The following CD8B2 variants were observed in gnomAD, a reference collection of about 807,000 sequenced individuals.
The protein encoded by CD8B2 is CD8B family member 2.
In CD8B2, 11 loss-of-function variants were observed where a neutral mutation model predicts 23.7. The ratio of observed to expected loss-of-function variants is 0.46; its 90% CI spans 0.29 to 0.77. The LOEUF (loss-of-function observed/expected upper bound fraction) is 0.77. Ranked by LOEUF, CD8B2 falls within the 30% of genes least tolerant of loss-of-function variation. The probability of loss-of-function intolerance (pLI) is 0.09; values close to 1 mark genes in which losing one functional copy is unlikely to be tolerated. For synonymous variants in CD8B2, 90 were observed against 109.3 expected, an observed-to-expected ratio of 0.82 and a Z score of 1.10; for missense variants, 197 against 270.5, an observed-to-expected ratio of 0.73 and a Z score of 1.91.
At chr2:106,503,667 G>A (rs1679455132) in intron 4 of CD8B2, among the ~76,000 whole-genome samples, 1 of 150,358 alleles carries the variant, frequency 6.7e-6, no homozygotes, top group African/African-American at 2.5e-5. Context: ...AAGCAAGTTG[G>A]GTGTAGTGGC....
intron 2 of CD8B2, among the ~76,000 whole-genome samples, chr2:106,492,877 T>C (rs916217419): frequency 6.6e-6 from 1 of 152,214 alleles, no homozygotes; most frequent in African/African-American, 2.4e-5. Flanking sequence ...GATTTTCGTA[T>C]TGAAAAATGG....
chr2:106,533,178 G>A (rs1222139049), intron 5 of CD8B2, among the ~76,000 whole-genome samples: 2 of 152,196 alleles, frequency 1.3e-5, no homozygotes, highest in African/African-American at 4.8e-5. Flanking sequence ...CAGGGGACAG[G>A]AATGCCACAG....
In CD8B2 at chr2:106,507,980, T is replaced by G. The variant is rs1432610318; in HGVS notation, c.*1040T>G. 1 of 148,764 alleles carries G rather than the reference T, an allele frequency of 6.7e-6. No homozygotes were observed. The highest frequency in any genetic ancestry group is 2.5e-5 in the African/African-American group (1 of 40,204). 9.2% of individuals were successfully genotyped at this position (148,764 alleles called of 1,614,324 possible). Reference sequence around the variant, plus strand: ...GGCACCAAACAGAAGGTAGGAGGCATGAGGGGTTCTGTCACATGTCTCTTC... The same window carrying G: ...GGCACCAAACAGAAGGTAGGAGGCAGGAGGGGTTCTGTCACATGTCTCTTC... On this transcript the variant is annotated 3_prime_UTR_variant, in exon 6 of 6. Coordinates refer to ENST00000643224, the MANE Select transcript of CD8B2 (RefSeq NM_001349727.2).
intron 5 of CD8B2, among the ~76,000 whole-genome samples, chr2:106,505,498 T>A (rs1320888452): frequency 1.3e-5 from 2 of 152,146 alleles, no homozygotes; most frequent in African/African-American, 2.4e-5. Flanking sequence ...GGTATTATCC[T>A]TAAAGCATGT....
chr2:106,518,738 C>A (rs923130799), intron 5 of CD8B2, among the ~76,000 whole-genome samples: 2 of 151,732 alleles, frequency 1.3e-5, no homozygotes, highest in African/African-American at 4.8e-5. Context: ...CCTTTTCTCT[C>A]TACTTATCCC....
intron 5 of CD8B2, among the ~76,000 whole-genome samples, chr2:106,540,027 T>C (rs1011467323): frequency 6.6e-6 from 1 of 152,240 alleles, no homozygotes; most frequent in Admixed American, 6.5e-5. Context: ...CTTCATGTTA[T>C]GTAGATGAAG....
intron 5 of CD8B2, among the ~76,000 whole-genome samples, chr2:106,518,353 T>G (rs2104567117): frequency 6.6e-6 from 1 of 152,268 alleles, no homozygotes; most frequent in South Asian, 2.1e-4. Flanking sequence ...GCATAAGATG[T>G]AAAGACATAG....
intron 3 of CD8B2, among the ~76,000 whole-genome samples, 173 bp downstream of exon 3, chr2:106,496,435 G>A (rs567694037): frequency 1.1e-4 from 16 of 152,010 alleles, no homozygotes; most frequent in South Asian, 4.2e-4. Context: ...TCACAGTCTC[G>A]TGGGAGACAG....
chr2:106,491,828 C>T (rs535713464), intron 2 of CD8B2, among the ~76,000 whole-genome samples: 115 of 152,280 alleles, frequency 7.6e-4, no homozygotes, highest in African/African-American at 2.6e-3. Context: ...GGATTACAGG[C>T]GTGAGCCACC....
In CD8B2 at chr2:106,491,135, A is replaced by T; in HGVS notation, c.305A>T (p.Asn102Ile). Residue 102 changes from asparagine (N) to isoleucine (I), a missense_variant, in exon 2 of 6, where the codon AAT (asparagine) becomes ATT (isoleucine). By Grantham distance (149) the Asn-to-Ile change is moderately radical. Transcript: ENST00000643224. ...CGGGATGCAAGCCGGTTCATTCTCA[A>T]TCTCACAAGCGTGAAGCCGGAGGAC... ...VFRDASRFIL[N>I]LTSVKPEDSG... 6.2e-7 allele frequency: 1 copy of T among 1,613,834 alleles called. No homozygotes were observed. The highest frequency in any genetic ancestry group is 1.1e-5 in the South Asian group (1 of 91,064).
At chr2:106,517,069 C>T (rs1342420643) in intron 5 of CD8B2, among the ~76,000 whole-genome samples, 2 of 149,502 alleles carry the variant, frequency 1.3e-5, no homozygotes, top group South Asian at 2.1e-4. Context: ...TTATCGATTT[C>T]ATTAATAATA....
At chr2:106,535,339 A>G (rs1204044006) in intron 5 of CD8B2, 4 of 150,966 alleles carry the variant, frequency 2.6e-5, no homozygotes, top group Non-Finnish European at 2.9e-5. Flanking sequence ...ACATAGACCA[A>G]GGTTGTTTGC....
chr2:106,500,689 G>A (rs886746810), intron 3 of CD8B2, among the ~76,000 whole-genome samples: 23 of 151,848 alleles, frequency 1.5e-4, no homozygotes, highest in African/African-American at 5.1e-4. Flanking sequence ...CCAATTTTCC[G>A]AACCTCGAGC....
At chr2:106,527,325 C>A (rs1464264504) in intron 5 of CD8B2, among the ~76,000 whole-genome samples, 1 of 152,182 alleles carries the variant, frequency 6.6e-6, no homozygotes, top group Non-Finnish European at 1.5e-5. Context: ...GTCTGAAAAA[C>A]CAGACTGCTG....
At chr2:106,493,729 G>A (rs71419315) in intron 2 of CD8B2, among the ~76,000 whole-genome samples, 6 of 152,318 alleles carry the variant, frequency 3.9e-5, no homozygotes, top group African/African-American at 2.4e-5. Flanking sequence ...ATCTTTGCAC[G>A]TGAGGTAGTG....
chr2:106,504,584 T>TA (rs56362255), intron 5 of CD8B2, among the ~76,000 whole-genome samples: 146,770 of 151,162 alleles, frequency 0.97, 71,378 homozygotes, highest in South Asian at 1. Flanking sequence ...AGACCCCATC[T>TA]AAAAAAAAAT....
intron 5 of CD8B2, among the ~76,000 whole-genome samples, chr2:106,520,424 C>T (rs568935975): frequency 6.6e-6 from 1 of 152,224 alleles, no homozygotes; most frequent in Admixed American, 6.5e-5. Flanking sequence ...GCTCGGGGAC[C>T]AGAGACACTG....
intron 2 of CD8B2, among the ~76,000 whole-genome samples, chr2:106,494,473 T>TTTTC (rs1679261320): frequency 1.2e-5 from 1 of 82,522 alleles, no homozygotes; most frequent in African/African-American, 5.2e-5. Flanking sequence ...TTTTCTTTTC[T>TTTTC]TTTTTTTTTT....
intron 2 of CD8B2, among the ~76,000 whole-genome samples, chr2:106,493,509 C>T (rs1168998468): frequency 6.6e-6 from 1 of 150,566 alleles, no homozygotes; most frequent in East Asian, 2.0e-4. Context: ...ATCTGAAAGA[C>T]GTCCCTGCTT....
Sources: gnomAD v4.1 joint callset for allele counts (sites outside exome capture counted in the v4.1 genomes callset) on GRCh38, gnomAD v4.1.1 for gene constraint, MANE v1.5 for transcripts, NCBI Gene and HGNC (gene_info 2026-07-23, HGNC 2026-07-21) for gene names.